SYTL5: variants seen among roughly 807,000 people sequenced by gnomAD.
The protein encoded by SYTL5 is synaptotagmin-like protein 5.
A neutral mutation model predicts 55.9 loss-of-function variants in SYTL5; 34 were observed. That is an observed-to-expected ratio of 0.61 (90% confidence interval 0.46 to 0.81). SYTL5 has a LOEUF of 0.81. Ranked by LOEUF, SYTL5 falls within the 30% of genes least tolerant of loss-of-function variation. SYTL5 has a pLI of 0.00. For missense variants in SYTL5, 637 were observed against 546.7 expected (o/e 1.17, Z -1.65); for synonymous variants, 221 against 188.7 (o/e 1.17, Z -1.40).
At chrX:37,893,616 C>A in the SYTL5 span, among the ~76,000 whole-genome samples, 3 of 64,505 alleles carry the variant, frequency 4.7e-5, no homozygotes, top group African/African-American at 2.9e-4. Context: ...TATATACAAT[C>A]TATATATAAT....
chrX:38,048,203 A>G (rs192076614), intron 2 of SYTL5, among the ~76,000 whole-genome samples: 193 of 109,405 alleles, frequency 1.8e-3, no homozygotes, highest in Middle Eastern at 9.3e-3. Context: ...AAAAAAAAAT[A>G]ACAAGAGTCA....
chrX:37,900,707 T>C, the SYTL5 span, among the ~76,000 whole-genome samples: 1 of 112,090 alleles, frequency 8.9e-6, no homozygotes, highest in South Asian at 3.7e-4. Context: ...AAGAATTCTC[T>C]TTCCTGAAAG....
the SYTL5 span, chrX:37,991,219 G>T: frequency 8.4e-7 from 1 of 1,192,255 alleles, no homozygotes; most frequent in Non-Finnish European, 1.1e-6. Flanking sequence ...GCCTTGAAGG[G>T]AACCTCACAG....
the SYTL5 span, among the ~76,000 whole-genome samples, chrX:37,967,771 C>T: frequency 7.2e-3 from 794 of 109,939 alleles, 8 homozygotes; most frequent in African/African-American, 0.024. Context: ...TTTGCTACTC[C>T]GACTTGTTAA....
chrX:38,106,506 G>T (rs778659084), intron 10 of SYTL5, 87 bp from the exon 11 acceptor site: 10 of 858,038 alleles, frequency 1.2e-5, no homozygotes, highest in Non-Finnish European at 1.6e-5. Flanking sequence ...ATAAAGAACA[G>T]GAACTATAAT....
chrX:38,115,251 G>A (rs1262725256), intron 13 of SYTL5, among the ~76,000 whole-genome samples: 1 of 107,760 alleles, frequency 9.3e-6, no homozygotes, highest in Non-Finnish European at 1.9e-5. Context: ...TTGGGAGGCC[G>A]AGGCGGGCGG....
At chrX:37,890,207 G>A in the SYTL5 span, among the ~76,000 whole-genome samples, 1 of 110,716 alleles carries the variant, frequency 9.0e-6, no homozygotes, top group Non-Finnish European at 1.9e-5. Context: ...CTTTATTGGG[G>A]ACTAAAGGAA....
At chrX:37,921,480 T>A in the SYTL5 span, among the ~76,000 whole-genome samples, 1 of 111,540 alleles carries the variant, frequency 9.0e-6, no homozygotes, top group Non-Finnish European at 1.9e-5. Flanking sequence ...ATTTAGTATA[T>A]GATATTCCCT....
chrX:38,112,276 G>A (rs750695034), intron 13 of SYTL5, among the ~76,000 whole-genome samples: 4 of 111,453 alleles, frequency 3.6e-5, no homozygotes, highest in Admixed American at 9.5e-5. Flanking sequence ...TTTTATACCC[G>A]CTGCCACAAG....
At chrX:38,117,265 C>A (rs1042778683) in intron 13 of SYTL5, among the ~76,000 whole-genome samples, 3 of 111,670 alleles carry the variant, frequency 2.7e-5, no homozygotes, top group African/African-American at 9.8e-5. Flanking sequence ...GATTATAATG[C>A]TACAAGCTTC....
At chrX:37,994,016 A>C in the SYTL5 span, among the ~76,000 whole-genome samples, 172 of 111,607 alleles carry the variant, frequency 1.5e-3, 1 homozygote, top group African/African-American at 5.3e-3. Flanking sequence ...GGTTCCTCTC[A>C]AAAAGAAGCT....
intron 1 of SYTL5, among the ~76,000 whole-genome samples, chrX:38,020,405 G>C (rs1411175019): frequency 1.6e-5 from 1 of 61,988 alleles, no homozygotes; most frequent in Non-Finnish European, 2.9e-5. Flanking sequence ...ATATATGTGT[G>C]TGCATATATA....
chrX:38,049,879 T>C (rs1022755464), intron 2 of SYTL5, among the ~76,000 whole-genome samples: 1 of 112,148 alleles, frequency 8.9e-6, no homozygotes, highest in Admixed American at 9.4e-5. Flanking sequence ...TAATGCTGTT[T>C]TTACAGAAGT....
At chrX:37,950,382 A>G in the SYTL5 span, among the ~76,000 whole-genome samples, 20 of 111,982 alleles carry the variant, frequency 1.8e-4, no homozygotes, top group East Asian at 5.0e-3. Flanking sequence ...TTATTTGCTG[A>G]AAGTATTTTC....
chrX:38,017,719 T>C (rs1479556808), intron 1 of SYTL5, among the ~76,000 whole-genome samples: 1 of 107,742 alleles, frequency 9.3e-6, no homozygotes. Context: ...ACAAAGTTTT[T>C]TGACTTTGTA....
At chrX:37,909,887 C>A in the SYTL5 span, among the ~76,000 whole-genome samples, 1 of 110,246 alleles carries the variant, frequency 9.1e-6, no homozygotes, top group Non-Finnish European at 1.9e-5. Flanking sequence ...GTTAGCCAGG[C>A]TGGTCTCCAA....
At chrX:37,957,728 A>T in the SYTL5 span, among the ~76,000 whole-genome samples, 43,963 of 110,598 alleles carry the variant, frequency 0.4, 6,337 homozygotes, top group East Asian at 0.6. Context: ...AACTTTTTTT[A>T]AACAAGATTG....
At chrX:37,967,208 T>C in the SYTL5 span, among the ~76,000 whole-genome samples, 334 of 111,130 alleles carry the variant, frequency 3.0e-3, 1 homozygote, top group Non-Finnish European at 3.9e-3. Flanking sequence ...CCCGCCACCA[T>C]GACTGGCTAA....
the SYTL5 span, among the ~76,000 whole-genome samples, chrX:37,903,412 A>T: frequency 9.2e-6 from 1 of 108,704 alleles, no homozygotes; most frequent in African/African-American, 3.4e-5. Flanking sequence ...GACATGGATG[A>T]AGCTGGAAAC....
Sources: gnomAD v4.1 joint callset for allele counts (sites outside exome capture counted in the v4.1 genomes callset) on GRCh38, gnomAD v4.1.1 for gene constraint, MANE v1.5 for transcripts, NCBI Gene and HGNC (gene_info 2026-07-23, HGNC 2026-07-21) for gene names.